The following AGBL4 variants were observed in gnomAD, a reference collection of about 807,000 sequenced individuals.
AGBL4 encodes cytosolic carboxypeptidase 6.
A neutral mutation model predicts 66.4 loss-of-function variants in AGBL4; 58 were observed. The observed-to-expected ratio is 0.87, with a 90% confidence interval of 0.71 to 1.09. The LOEUF (loss-of-function observed/expected upper bound fraction) is 1.09, where lower values mean the gene tolerates loss of function less well. AGBL4 is among the 50% of genes least tolerant of loss of function. The probability of loss-of-function intolerance (pLI) is 0.00; values close to 1 mark genes in which losing one functional copy is unlikely to be tolerated. For missense variants in AGBL4, 579 were observed against 631.0 expected (o/e 0.92, Z 0.88); for synonymous variants, 234 against 222.9 (o/e 1.05, Z -0.44).
At chr1:49,650,948 C>T (rs1377353063) in intron 3 of AGBL4, among the ~76,000 whole-genome samples, 1 of 152,132 alleles carries the variant, frequency 6.6e-6, no homozygotes, top group Non-Finnish European at 1.5e-5. Flanking sequence ...TAGCTGCACC[C>T]CACTGAAAGG....
At chr1:48,553,861 G>T (rs745777053) in intron 11 of AGBL4, among the ~76,000 whole-genome samples, 15 of 152,084 alleles carry the variant, frequency 9.9e-5, no homozygotes, top group Admixed American at 4.6e-4. Flanking sequence ...TGAGAATCTG[G>T]CAGAGTGCAG....
intron 5 of AGBL4, among the ~76,000 whole-genome samples, chr1:48,920,661 G>A (rs186235177): frequency 8.5e-5 from 13 of 152,256 alleles, no homozygotes; most frequent in Admixed American, 7.9e-4. Flanking sequence ...GCTTAAGGTC[G>A]CTAAGGTCAC....
At chr1:49,772,042 T>A (rs777865892) in intron 2 of AGBL4, among the ~76,000 whole-genome samples, 51 of 152,110 alleles carry the variant, frequency 3.4e-4, no homozygotes, top group Non-Finnish European at 6.9e-4. Context: ...GTTTTGTAGA[T>A]CCCTTCTTCC....
chr1:49,478,742 G>A (rs968699445), intron 3 of AGBL4, among the ~76,000 whole-genome samples: 15 of 151,986 alleles, frequency 9.9e-5, no homozygotes, highest in Non-Finnish European at 1.2e-4. Context: ...TACGTAGAAA[G>A]ACTAGAGTAT....
Position 49,140,554 on chromosome 1 carries a change from T to C in AGBL4, c.378-94754A>G, listed in dbSNP as rs552881790. ...AATATGGCCTTTCAACTTGCACAGATTTCCAGAAGAAGATATTTTGTCATC... is the reference window on the plus strand; with the variant it reads ...AATATGGCCTTTCAACTTGCACAGACTTCCAGAAGAAGATATTTTGTCATC... On this transcript the variant is annotated intron_variant, in intron 4 of 13. Coordinates refer to ENST00000371839, the MANE Select transcript of AGBL4 (RefSeq NM_032785.4). Among the ~76,000 whole-genome samples, 6 of 152,328 alleles carry C rather than the reference T, an allele frequency of 3.9e-5. No individual in the cohort carries two copies. In the East Asian group the frequency reaches 9.6e-4, roughly 24 times the overall value.
At chr1:49,263,944 G>T (rs1414433212) in intron 3 of AGBL4, among the ~76,000 whole-genome samples, 5 of 152,128 alleles carry the variant, frequency 3.3e-5, no homozygotes, top group Non-Finnish European at 5.9e-5. Context: ...ATACTTTTGA[G>T]CATTTAAAAT....
At chr1:49,823,747 G>C (rs894018681) in intron 2 of AGBL4, among the ~76,000 whole-genome samples, 2 of 148,918 alleles carry the variant, frequency 1.3e-5, no homozygotes, top group African/African-American at 5.0e-5. Flanking sequence ...AATTTTTAAA[G>C]AAATTTCTAT....
chr1:49,478,261 C>T (rs942870718), intron 3 of AGBL4, among the ~76,000 whole-genome samples: 1 of 150,972 alleles, frequency 6.6e-6, no homozygotes, highest in Non-Finnish European at 1.5e-5. Context: ...TAACTCAAGA[C>T]ATTTAATAGC....
chr1:49,581,373 G>A (rs1025662153), intron 3 of AGBL4, among the ~76,000 whole-genome samples: 2 of 151,960 alleles, frequency 1.3e-5, no homozygotes, highest in Non-Finnish European at 2.9e-5. Context: ...TCTGTTGTTG[G>A]AAAATTATTG....
intron 5 of AGBL4, among the ~76,000 whole-genome samples, chr1:48,971,663 A>G (rs1466720059): frequency 5.9e-5 from 9 of 152,190 alleles, no homozygotes; most frequent in Admixed American, 5.9e-4. Context: ...ATGGAGGGGC[A>G]GAGAGTGAAT....
chr1:49,640,789 A>G (rs768818526), intron 3 of AGBL4, among the ~76,000 whole-genome samples: 36 of 152,164 alleles, frequency 2.4e-4, no homozygotes, highest in Non-Finnish European at 1.6e-4. Flanking sequence ...TTTTGAAAGG[A>G]AGATGTGTAA....
At chr1:48,645,836 C>T (rs965073098) in intron 8 of AGBL4, among the ~76,000 whole-genome samples, 5 of 152,100 alleles carry the variant, frequency 3.3e-5, no homozygotes, top group African/African-American at 1.2e-4. Context: ...CAATGACAAA[C>T]ATCTGGAGCA....
chr1:48,701,758 T>A (rs1302345980), intron 6 of AGBL4, among the ~76,000 whole-genome samples: 2 of 152,232 alleles, frequency 1.3e-5, no homozygotes, highest in East Asian at 3.8e-4. Flanking sequence ...CAAATAGTTT[T>A]TGAGCACCCA....
chr1:49,325,562 C>A (rs1211482402), intron 3 of AGBL4, among the ~76,000 whole-genome samples: 3 of 152,186 alleles, frequency 2.0e-5, no homozygotes, highest in African/African-American at 7.2e-5. Context: ...CTTCTCATTC[C>A]TTCCTGTGGC....
intron 3 of AGBL4, among the ~76,000 whole-genome samples, chr1:49,427,416 G>A (rs1645686964): frequency 6.6e-6 from 1 of 150,426 alleles, no homozygotes; most frequent in African/African-American, 2.4e-5. Flanking sequence ...AATACCATGA[G>A]GGATAATGTA....
At chr1:49,306,176 T>G (rs931366138) in intron 3 of AGBL4, among the ~76,000 whole-genome samples, 18 of 152,210 alleles carry the variant, frequency 1.2e-4, no homozygotes, top group African/African-American at 4.3e-4. Context: ...TTTACCTGCA[T>G]ATTTCCTGGT....
intron 1 of AGBL4, among the ~76,000 whole-genome samples, chr1:49,931,782 A>G (rs1653389249): frequency 6.6e-6 from 1 of 152,204 alleles, no homozygotes; most frequent in African/African-American, 2.4e-5. Flanking sequence ...ATTTATACAA[A>G]AATAGTGAGG....
intron 4 of AGBL4, among the ~76,000 whole-genome samples, chr1:49,238,659 A>C (rs1276167029): frequency 6.6e-6 from 1 of 152,220 alleles, no homozygotes; most frequent in African/African-American, 2.4e-5. Flanking sequence ...TTGTTGGTGA[A>C]AGTAGAAATG....
At chr1:49,022,801 A>G (rs1663349221) in intron 5 of AGBL4, among the ~76,000 whole-genome samples, 1 of 152,206 alleles carries the variant, frequency 6.6e-6, no homozygotes, top group Non-Finnish European at 1.5e-5. Flanking sequence ...CTATTCATGT[A>G]TATGTTGTGG....
Sources: allele counts gnomAD v4.1 joint callset (sites outside exome capture counted in the v4.1 genomes callset), GRCh38; gene constraint gnomAD v4.1.1; transcripts MANE v1.5; gene names NCBI Gene and HGNC (gene_info 2026-07-23, HGNC 2026-07-21).